ADAM21: variants seen among roughly 807,000 people sequenced by gnomAD.
ADAM21 encodes the protein disintegrin and metalloproteinase domain-containing protein 21.
For synonymous variants in ADAM21, 262 were observed against 306.0 expected (o/e 0.86, Z 1.50); for missense variants, 678 against 874.4 (o/e 0.78, Z 2.83).
Position 70,457,958 on chromosome 14 carries a change from A to G in ADAM21, c.459A>G (p.Thr153=). 8 of 1,612,952 alleles carry G rather than the reference A, an allele frequency of 5.0e-6. No individual in the cohort carries two copies. The highest frequency in any genetic ancestry group is 5.9e-6 in the Non-Finnish European group (7 of 1,179,368). The change falls in exon 2 of 2, where the codon ACA becomes ACG. Residue 153 remains threonine (T), a synonymous_variant. Coordinates refer to ENST00000603540, the MANE Select transcript of ADAM21 (RefSeq NM_003813.4). ...TTGAACCCATCAGGCACTCTGCCAC[A>G]TTTGAACACCTGGTTTATAAGATAA... ...YEIEPIRHSA[T]FEHLVYKINS...
intron 1 of ADAM21, among the ~76,000 whole-genome samples, chr14:70,456,535 T>C (rs1882412210): frequency 6.6e-6 from 1 of 152,204 alleles, no homozygotes; most frequent in Non-Finnish European, 1.5e-5. Flanking sequence ...TTAAACTGCA[T>C]AGATTCTCAT....
intron 1 of ADAM21, among the ~76,000 whole-genome samples, chr14:70,455,626 T>C (rs1364498187): frequency 6.6e-6 from 1 of 152,172 alleles, no homozygotes; most frequent in Non-Finnish European, 1.5e-5. Flanking sequence ...TTCCCTATAG[T>C]TTTTAAATTG....
chr14:70,453,529 G>A (rs1289676319), intron 1 of ADAM21: 2 of 152,132 alleles, frequency 1.3e-5, no homozygotes, highest in Non-Finnish European at 2.9e-5. Context: ...AAGACAATGA[G>A]TCTGGTTTTA....
intron 1 of ADAM21, among the ~76,000 whole-genome samples, chr14:70,454,394 C>G (rs989886445): frequency 6.6e-5 from 10 of 152,088 alleles, no homozygotes; most frequent in African/African-American, 2.2e-4. Flanking sequence ...GCCCACCCCC[C>G]ATTCCCCGAC....
chr14:70,454,394 C>CA (rs1408133336), intron 1 of ADAM21, among the ~76,000 whole-genome samples: 1 of 152,088 alleles, frequency 6.6e-6, no homozygotes, highest in African/African-American at 2.4e-5. Context: ...GCCCACCCCC[C>CA]ATTCCCCGAC....
chr14:70,453,560 C>T (rs1290510896), intron 1 of ADAM21: 1 of 152,072 alleles, frequency 6.6e-6, no homozygotes, highest in African/African-American at 2.4e-5. Context: ...TAAAGTTATT[C>T]TCCTGTTATT....
In ADAM21 at chr14:70,458,886, C is replaced by T; in HGVS notation, c.1387C>T (p.Leu463Phe). 1.2e-6 allele frequency: 2 copies of T among 1,614,130 alleles called. No individual in the cohort carries two copies. The highest frequency in any genetic ancestry group is 1.7e-6 in the Non-Finnish European group (2 of 1,180,028). Reference protein sequence around the residue: ...KDCKFMPSGELCRQEVNECDL... With the variant: ...KDCKFMPSGEFCRQEVNECDL... ...CTGCAAGTTCATGCCATCAGGGGAA[C>T]TCTGTAGACAAGAGGTCAATGAATG... The change falls in exon 2 of 2, where the codon CTC becomes TTC. Residue 463 changes from leucine (L) to phenylalanine (F), a missense_variant. Coordinates refer to ENST00000603540, the MANE Select transcript of ADAM21 (RefSeq NM_003813.4).
At chr14:70,452,912 G>C (rs1889058092) in intron 1 of ADAM21, among the ~76,000 whole-genome samples, 1 of 152,158 alleles carries the variant, frequency 6.6e-6, no homozygotes, top group African/African-American at 2.4e-5. Context: ...CAAGTAGGTG[G>C]GAGAGATGAT....
rs1371544056 is a variant in ADAM21 at position 70,459,304 on chromosome 14, C to G, written c.1805C>G (p.Ser602Cys). 3.1e-6 allele frequency: 5 copies of G among 1,614,192 alleles called. No individual in the cohort carries two copies. The highest frequency in any genetic ancestry group is 3.3e-4 in the Middle Eastern group (2 of 6,062). The change falls in exon 2 of 2, where the codon TCT becomes TGT. Residue 602 changes from serine (S) to cysteine (C), a missense_variant. Physicochemically the swap from Ser to Cys is moderately radical, Grantham distance 112. Transcript: ENST00000603540. ...GACTATCATTTAAGGATGAACATAT[C>G]TGACATTGGTGAAGTGAAAGATGGT... ...GIDYHLRMNI[S>C]DIGEVKDGTV... is the part of the protein sequence containing the mutation.
intron 1 of ADAM21, among the ~76,000 whole-genome samples, chr14:70,454,651 T>C (rs1889081384): frequency 6.6e-6 from 1 of 152,224 alleles, no homozygotes; most frequent in Non-Finnish European, 1.5e-5. Context: ...TTTTTGTGTG[T>C]TGACAAGGTA....
chr14:70,457,342 C>A lies in ADAM21; in HGVS notation c.-151-7C>A. 1 of 1,069,458 alleles carries A rather than the reference C, an allele frequency of 9.4e-7. No homozygotes were observed. The allele number at this position is 1,069,458 out of a possible 1,614,324, so 66.2% of individuals were successfully genotyped here. On this transcript the variant is annotated splice_polypyrimidine_tract_variant and splice_region_variant and intron_variant, in intron 1 of 1. Coordinates refer to ENST00000603540, the MANE Select transcript of ADAM21 (RefSeq NM_003813.4). ...TTTCCAACCCATCTTTTTATTTTTA[C>A]TTCCAGCACTGCAGTTCTGATCTAA... is the stretch of plus-strand genomic sequence containing the variant.
rs760644421 is a variant in ADAM21, at chr14:70,457,900, G to T, written c.401G>T (p.Gly134Val). Reference protein sequence around the residue: ...VFSACFGGFRGVLKISGLTYE... With the variant: ...VFSACFGGFRVVLKISGLTYE... ...AGTGCTTGTTTTGGGGGCTTTCGAG[G>T]AGTATTAAAAATAAGTGGCCTCACT... is the stretch of plus-strand genomic sequence containing the variant. Residue 134 changes from glycine to valine, a missense_variant, in exon 2 of 2, where the codon GGA (glycine) becomes GTA (valine). By Grantham distance (109) the Gly-to-Val change is moderately radical (BLOSUM62 -3). Coordinates refer to ENST00000603540, the MANE Select transcript of ADAM21 (RefSeq NM_003813.4). 1 of 1,614,056 alleles carries T rather than the reference G, an allele frequency of 6.2e-7. No homozygotes were observed. Among genetic ancestry groups the T allele is most frequent in the Non-Finnish European group, 8.5e-7 (1 of 1,180,022 alleles).
Position 70,457,329 on chromosome 14 carries a change from CTTTTTA to C in ADAM21, c.-151-13_-151-8del, listed in dbSNP as rs1882428006. On this transcript the variant is annotated splice_polypyrimidine_tract_variant and intron_variant, in intron 1 of 1. Transcript: ENST00000603540. ...CTTACTTATCACCTTTCCAACCCAT[CTTTTTA>C]TTTTTACTTCCAGCACTGCAGTTCT... 1.0e-6 allele frequency: 1 copy of C among 973,576 alleles called. No homozygotes were observed. The highest frequency in any genetic ancestry group is 1.5e-6 in the Non-Finnish European group (1 of 658,988). 60.3% of individuals were successfully genotyped at this position (973,576 alleles called of 1,614,324 possible).
chr14:70,454,570 G>A (rs1889080224), intron 1 of ADAM21, among the ~76,000 whole-genome samples: 1 of 152,142 alleles, frequency 6.6e-6, no homozygotes, highest in African/African-American at 2.4e-5. Context: ...TTGAGAAACA[G>A]GTATAGCAGA....
rs771006647 is a variant in ADAM21, at chr14:70,458,960, T to G, written c.1461T>G (p.Asp487Glu). ...GAACATCTCATCAGTGTCCAGAAGA[T>G]AGATATGTGCAGGACGGGATCCCCT... is the stretch of plus-strand genomic sequence containing the variant. ...CNGTSHQCPEDRYVQDGIPCS... is the reference protein window; with the variant it reads ...CNGTSHQCPEERYVQDGIPCS... Residue 487 changes from aspartate to glutamate, a missense_variant, in exon 2 of 2, where the codon GAT (aspartate) becomes GAG (glutamate). By Grantham distance (45) the Asp-to-Glu change is conservative. Coordinates refer to ENST00000603540, the MANE Select transcript of ADAM21 (RefSeq NM_003813.4). 1.2e-6 allele frequency: 2 copies of G among 1,614,136 alleles called. No homozygotes were observed. The highest frequency in any genetic ancestry group is 1.7e-6 in the Non-Finnish European group (2 of 1,180,018).
rs151162402 is a variant in ADAM21 at position 70,459,418 on chromosome 14, A to G, written c.1919A>G (p.Asn640Ser). The G allele has an allele frequency of 1.7e-4, 275 of 1,614,226 alleles. No homozygotes were observed. The highest frequency in any genetic ancestry group is 1.8e-4 in the Non-Finnish European group (218 of 1,180,034). ...LSHVCLPETC[N>S]MKGICNNKHH... ...CATGTCTGCCTTCCTGAGACCTGCA[A>G]TATGAAGGGGATCTGCAATAACAAA... Residue 640 changes from asparagine (N) to serine (S), a missense_variant, in exon 2 of 2, where the codon AAT becomes AGT. Coordinates refer to ENST00000603540, the MANE Select transcript of ADAM21 (RefSeq NM_003813.4).
chr14:70,456,055 G>T (rs895464905), intron 1 of ADAM21, among the ~76,000 whole-genome samples: 2 of 151,894 alleles, frequency 1.3e-5, no homozygotes, highest in Non-Finnish European at 2.9e-5. Context: ...TCTGTTTTTT[G>T]TTTGTTTCTA....
At position 70,458,454 on chromosome 14, in the gene ADAM21, C is replaced by T. The variant is rs1882461593; in HGVS notation, c.955C>T (p.Pro319Ser). ...CTATGTTGCAGGAATATGTCGTCCA[C>T]CTATTGATTGTGGAGTTGATAATTT... ...LAYVAGICRP[P>S]IDCGVDNFQG... Residue 319 changes from proline (P) to serine (S), a missense_variant, in exon 2 of 2, where the codon CCT becomes TCT. Pro to Ser is a moderately conservative substitution (Grantham distance 74). Coordinates refer to ENST00000603540, the MANE Select transcript of ADAM21 (RefSeq NM_003813.4). The T allele has an allele frequency of 1.2e-6, 2 of 1,614,014 alleles. No individual in the cohort carries two copies. Among genetic ancestry groups the T allele is most frequent in the South Asian group, 2.2e-5 (2 of 91,062 alleles).
chr14:70,454,616 G>A (rs1457246685), intron 1 of ADAM21, among the ~76,000 whole-genome samples: 1 of 152,076 alleles, frequency 6.6e-6, no homozygotes, highest in Non-Finnish European at 1.5e-5. Context: ...AAAATTGTTG[G>A]TAAATTGATT....
Sources: gnomAD v4.1 joint callset for allele counts (sites outside exome capture counted in the v4.1 genomes callset) on GRCh38, gnomAD v4.1.1 for gene constraint, MANE v1.5 for transcripts, NCBI Gene and HGNC (gene_info 2026-07-23, HGNC 2026-07-21) for gene names.